Variants in LMBRD1 observed in about 807,000 individuals in gnomAD.
LMBRD1 encodes lysosomal cobalamin transport escort protein LMBD1.
Under a neutral mutation model 74.8 loss-of-function variants are expected in LMBRD1, and 64 were observed. The ratio of observed to expected loss-of-function variants is 0.86; its 90% CI spans 0.70 to 1.05. The LOEUF is 1.05. Among genes scored for constraint, LMBRD1 ranks in the 50% least tolerant of loss-of-function variants. The pLI is 0.00. For missense variants in LMBRD1, 652 were observed against 645.9 expected, an observed-to-expected ratio of 1.01 and a Z score of -0.10; for synonymous variants, 204 against 216.3, an observed-to-expected ratio of 0.94 and a Z score of 0.50.
At chr6:69,783,084 CAG>C (rs2149894382) in intron 2 of LMBRD1, among the ~76,000 whole-genome samples, 1 of 152,136 alleles carries the variant, frequency 6.6e-6, no homozygotes, top group Non-Finnish European at 1.5e-5. Flanking sequence ...TAGGAGGAAA[CAG>C]AACAAATCAC....
At chr6:69,679,871 C>A (rs758253654) in intron 14 of LMBRD1, among the ~76,000 whole-genome samples, 2 of 152,016 alleles carry the variant, frequency 1.3e-5, no homozygotes, top group Non-Finnish European at 1.5e-5. Context: ...GGCAAAGTGG[C>A]GCTTAATATT....
chr6:69,705,983 C>A, intron 9 of LMBRD1: 1 of 863,960 alleles, frequency 1.2e-6, no homozygotes, highest in Non-Finnish European at 1.9e-6. Flanking sequence ...TCTGCTTCAA[C>A]GATGTGTAAT....
At chr6:69,779,348 C>CT (rs917684507) in intron 3 of LMBRD1, among the ~76,000 whole-genome samples, 5 of 151,828 alleles carry the variant, frequency 3.3e-5, no homozygotes, top group African/African-American at 9.7e-5. Context: ...AACAATTACA[C>CT]TTTTTTTTAT....
chr6:69,744,935 C>T (rs899707975), intron 5 of LMBRD1, among the ~76,000 whole-genome samples: 3 of 151,908 alleles, frequency 2.0e-5, no homozygotes, highest in African/African-American at 4.8e-5. Context: ...CTCTGCCTCC[C>T]GGGTTCAAGC....
intron 7 of LMBRD1, among the ~76,000 whole-genome samples, chr6:69,723,575 G>A (rs1033844555): frequency 7.2e-5 from 11 of 151,806 alleles, no homozygotes; most frequent in African/African-American, 1.9e-4. Flanking sequence ...ATGACCAGTG[G>A]GTCAATGAAG....
chr6:69,719,795 G>C (rs1218012962), intron 7 of LMBRD1, among the ~76,000 whole-genome samples: 1 of 152,088 alleles, frequency 6.6e-6, no homozygotes, highest in Admixed American at 6.6e-5. Context: ...TCACCTCCTG[G>C]TGGCAGCAAC....
chr6:69,725,367 AC>A lies in LMBRD1; in HGVS notation c.637-6287del, dbSNP rs1366870043. Among the ~76,000 whole-genome samples the A allele has an allele frequency of 4.1e-4, 62 of 151,340 alleles. 1 individual carries two copies. Among genetic ancestry groups the A allele is most frequent in the Non-Finnish European group, 7.2e-4 (49 of 67,682 alleles). ...CACACACACACACACACACACACAC[AC>A]ACACACACAAAACACACACCTAAAG... On this transcript the variant is annotated intron_variant, in intron 7 of 15. Transcript: ENST00000649934.
chr6:69,747,710 A>G (rs1445537563), intron 5 of LMBRD1, among the ~76,000 whole-genome samples: 2 of 152,226 alleles, frequency 1.3e-5, no homozygotes, highest in Non-Finnish European at 2.9e-5. Context: ...GACAGAGACC[A>G]TGGTCCTCTA....
intron 14 of LMBRD1, among the ~76,000 whole-genome samples, chr6:69,696,697 T>C (rs1173210044): frequency 2.0e-5 from 3 of 152,038 alleles, no homozygotes; most frequent in South Asian, 2.1e-4. Context: ...TCCACAGTGA[T>C]CCCCACAAGG....
At chr6:69,779,500 G>A (rs576335441) in intron 3 of LMBRD1, among the ~76,000 whole-genome samples, 35 of 152,224 alleles carry the variant, frequency 2.3e-4, no homozygotes, top group African/African-American at 7.2e-4. Context: ...ATAAGTCTGG[G>A]ATTAAAATGA....
intron 3 of LMBRD1, 60 bp downstream of exon 3, chr6:69,780,434 G>C (rs1440469248): frequency 8.2e-7 from 1 of 1,222,970 alleles, no homozygotes. Flanking sequence ...CCACTCATCG[G>C]AGTCGTATCA....
At chr6:69,741,505 C>G (rs1767100553) in intron 6 of LMBRD1, among the ~76,000 whole-genome samples, 1 of 152,104 alleles carries the variant, frequency 6.6e-6, no homozygotes, top group South Asian at 2.1e-4. Context: ...CCTGCCTCAG[C>G]CTCCCGAGCA....
chr6:69,750,183 A>G (rs1458941457), intron 4 of LMBRD1, among the ~76,000 whole-genome samples: 3 of 150,580 alleles, frequency 2.0e-5, no homozygotes, highest in African/African-American at 7.3e-5. Context: ...TTATACATAT[A>G]TAACATATAT....
intron 7 of LMBRD1, among the ~76,000 whole-genome samples, chr6:69,730,214 T>C (rs1766826019): frequency 6.6e-6 from 1 of 152,094 alleles, no homozygotes; most frequent in Non-Finnish European, 1.5e-5. Flanking sequence ...TAATAACTTC[T>C]TTTACCGCTC....
At chr6:69,773,249 G>A (rs538820618) in intron 3 of LMBRD1, among the ~76,000 whole-genome samples, 2 of 152,116 alleles carry the variant, frequency 1.3e-5, no homozygotes, top group Non-Finnish European at 2.9e-5. Flanking sequence ...AAGGATGTGT[G>A]TGCCTCCATT....
chr6:69,758,244 A>G (rs912628185), intron 3 of LMBRD1, among the ~76,000 whole-genome samples: 1 of 152,216 alleles, frequency 6.6e-6, no homozygotes, highest in African/African-American at 2.4e-5. Context: ...TTACATCAAA[A>G]CACAATGACA....
chr6:69,702,428 T>A (rs968330606), intron 9 of LMBRD1, among the ~76,000 whole-genome samples: 1 of 151,754 alleles, frequency 6.6e-6, no homozygotes, highest in Non-Finnish European at 1.5e-5. Flanking sequence ...TATATTACAA[T>A]CCATAAAAGC....
chr6:69,782,722 G>C (rs1011395771), intron 2 of LMBRD1, among the ~76,000 whole-genome samples: 2 of 151,972 alleles, frequency 1.3e-5, no homozygotes, highest in African/African-American at 4.8e-5. Context: ...AAAAGACTAG[G>C]AGGTTATATG....
rs755313759 is a variant in LMBRD1 at position 69,796,775 on chromosome 6, A to G, written c.69+38T>C. ...GGGCCTGCCCCTCCCTTCCTCCCCC[A>G]GTCCAAACATGGGGAAAACTCCAAG... On this transcript the variant is annotated intron_variant, in intron 1 of 15. Transcript: ENST00000649934. The G allele has an allele frequency of 2.5e-6, 4 of 1,593,676 alleles. No individual in the cohort carries two copies. In the Admixed American group the frequency reaches 5.1e-5, roughly 20 times the overall value.
Sources: gnomAD v4.1 joint callset for allele counts (sites outside exome capture counted in the v4.1 genomes callset) on GRCh38, gnomAD v4.1.1 for gene constraint, MANE v1.5 for transcripts, NCBI Gene and HGNC (gene_info 2026-07-23, HGNC 2026-07-21) for gene names.